Variants in METTL16 observed in about 807,000 individuals in gnomAD.
METTL16 encodes methyltransferase 16, RNA N6-adenosine, also known as RNA N(6)-adenosine-methyltransferase METTL16.
METTL16 carries 19 observed loss-of-function variants against 57.9 expected under a neutral mutation model. The ratio of observed to expected loss-of-function variants is 0.33; its 90% CI spans 0.23 to 0.48. The LOEUF (loss-of-function observed/expected upper bound fraction) is 0.48. Ranked by LOEUF, METTL16 falls within the 20% of genes least tolerant of loss-of-function variation. METTL16 has a pLI of 0.99. For synonymous variants in METTL16, 246 were observed against 255.6 expected (o/e 0.96, Z 0.36); for missense variants, 434 against 691.5 (o/e 0.63, Z 4.18).
At chr17:2,448,189 C>T in intron 6 of METTL16, among the ~76,000 whole-genome samples, 1 of 150,220 alleles carries the variant, frequency 6.7e-6, no homozygotes, top group Non-Finnish European at 1.5e-5. Context: ...CCCGGCCGCC[C>T]CTACTGGGAA....
intron 6 of METTL16, among the ~76,000 whole-genome samples, chr17:2,446,949 C>T (rs1459582116): frequency 7.7e-4 from 116 of 151,594 alleles, no homozygotes; most frequent in African/African-American, 2.7e-3. Flanking sequence ...ACCTCCCAGC[C>T]GCCTGCCTTG....
At position 2,419,838 on chromosome 17, in the gene METTL16, C is replaced by A; in HGVS notation, c.*132G>T. The A allele has an allele frequency of 8.9e-7, 1 of 1,124,174 alleles. No individual in the cohort carries two copies. Among genetic ancestry groups the A allele is most frequent in the Non-Finnish European group, 1.3e-6 (1 of 766,422 alleles). The allele number at this position is 1,124,174 out of a possible 1,614,324, so 69.6% of individuals were successfully genotyped here. A position where few individuals can be genotyped will look rare whatever the true frequency, so the allele number is the denominator to read the frequency against. ...GGCGGGGGGAGGTGGGGGACAGATT[C>A]ATAGGTTTTTGTTTTCGAAGATAAT... On this transcript the variant is annotated 3_prime_UTR_variant, in exon 10 of 10. Coordinates refer to ENST00000263092, the MANE Select transcript of METTL16 (RefSeq NM_024086.4).
At chr17:2,435,904 G>A (rs142320882) in intron 8 of METTL16, among the ~76,000 whole-genome samples, 1,613 of 152,128 alleles carry the variant, frequency 0.011, 11 homozygotes, top group Middle Eastern at 0.044. Context: ...AAGCTTAGGG[G>A]GTTCCTTTGC....
chr17:2,499,616 G>A (rs1448248137), intron 2 of METTL16, among the ~76,000 whole-genome samples: 1 of 152,044 alleles, frequency 6.6e-6, no homozygotes, highest in Non-Finnish European at 1.5e-5. Flanking sequence ...AGGTGCCAAA[G>A]GTGATTATGG....
At chr17:2,473,101 T>C (rs563150768) in intron 4 of METTL16, among the ~76,000 whole-genome samples, 1 of 152,268 alleles carries the variant, frequency 6.6e-6, no homozygotes, top group East Asian at 1.9e-4. Flanking sequence ...GGGGCAGGGA[T>C]ATACAGGGAA....
chr17:2,422,673 G>A (rs12946351), intron 8 of METTL16, among the ~76,000 whole-genome samples: 152,222 of 152,222 alleles, frequency 1, 76,111 homozygotes, highest in Non-Finnish European at 1. Context: ...TCCAGCCTGA[G>A]AATTTCTTTC....
chr17:2,429,142 G>A (rs1293186468), intron 8 of METTL16, among the ~76,000 whole-genome samples: 5 of 150,394 alleles, frequency 3.3e-5, no homozygotes, highest in Admixed American at 1.3e-4. Flanking sequence ...ACAGGCATGA[G>A]CCACCGTGCC....
chr17:2,473,600 T>C lies in METTL16; in HGVS notation c.393A>G (p.Ala131=). 2 of 1,614,170 alleles carry C rather than the reference T, an allele frequency of 1.2e-6. No individual in the cohort carries two copies. Among genetic ancestry groups the C allele is most frequent in the Non-Finnish European group, 1.7e-6 (2 of 1,180,014 alleles). Residue 131 remains alanine (A), a synonymous_variant, in exon 4 of 10, where the codon GCA becomes GCG. Coordinates refer to ENST00000263092, the MANE Select transcript of METTL16 (RefSeq NM_024086.4). Reference sequence around the variant, plus strand: ...TGAAACACATATCATCCACTTCTGTTGCGAGGAAATACCAGCCATTCAAGG... The same window carrying C: ...TGAAACACATATCATCCACTTCTGTCGCGAGGAAATACCAGCCATTCAAGG... The part of the protein sequence containing the change: ...GATLNGWYFL[A]TEVDDMCFNY...
chr17:2,445,200 C>G (rs58149999), intron 6 of METTL16, among the ~76,000 whole-genome samples: 17,945 of 152,046 alleles, frequency 0.12, 3,412 homozygotes, highest in African/African-American at 0.4. Flanking sequence ...GATATGTTTA[C>G]ATACACAAAA....
At chr17:2,472,167 T>C (rs919938955) in intron 4 of METTL16, among the ~76,000 whole-genome samples, 7 of 148,734 alleles carry the variant, frequency 4.7e-5, no homozygotes, top group South Asian at 4.2e-4. Context: ...AAAAAAGATA[T>C]ACAGATGGTA....
chr17:2,510,614 GT>G (rs1567910708), intron 1 of METTL16, among the ~76,000 whole-genome samples: 2 of 152,198 alleles, frequency 1.3e-5, no homozygotes, highest in African/African-American at 2.4e-5. Context: ...TAGGCAATGA[GT>G]TCTTAGCTAA....
At chr17:2,502,390 G>T in intron 1 of METTL16, 59 bp from the exon 2 acceptor site, 1 of 1,553,036 alleles carries the variant, frequency 6.4e-7, no homozygotes, top group South Asian at 1.1e-5. Flanking sequence ...ATTAATGGGG[G>T]CCGGGTGCGG....
chr17:2,456,490 A>C (rs1219808676), intron 6 of METTL16, among the ~76,000 whole-genome samples: 2 of 152,154 alleles, frequency 1.3e-5, no homozygotes, highest in Non-Finnish European at 2.9e-5. Context: ...TGACTGATTG[A>C]CTGAGACAGG....
chr17:2,492,454 C>A lies in METTL16; in HGVS notation c.128+9750G>T, dbSNP rs141209527. Among the ~76,000 whole-genome samples, 5 of 152,206 alleles carry A rather than the reference C, an allele frequency of 3.3e-5. No individual in the cohort carries two copies. In the East Asian group the frequency reaches 9.7e-4, roughly 29 times the overall value. On this transcript the variant is annotated intron_variant, in intron 2 of 9. Coordinates refer to ENST00000263092, the MANE Select transcript of METTL16 (RefSeq NM_024086.4). ...ACCTTACTTATACCAGGCTTAACAA[C>A]AATATGAGCACCTACCATGAACTCA... is the stretch of plus-strand genomic sequence containing the variant.
intron 7 of METTL16, among the ~76,000 whole-genome samples, chr17:2,440,186 G>A (rs1189742825): frequency 6.6e-6 from 1 of 152,120 alleles, no homozygotes; most frequent in Non-Finnish European, 1.5e-5. Flanking sequence ...AAGCCTAGAT[G>A]TTTGAGGTTG....
chr17:2,454,563 A>ATTT (rs5818860), intron 6 of METTL16, among the ~76,000 whole-genome samples: 207 of 126,162 alleles, frequency 1.6e-3, no homozygotes, highest in East Asian at 2.6e-3. Flanking sequence ...TATTATTATT[A>ATTT]TTTTTTTTTT....
chr17:2,430,203 ACTGGGGTCAAGCGATCTTCTCATCTCAGC>A (rs1170852609), intron 8 of METTL16, among the ~76,000 whole-genome samples: 9 of 150,920 alleles, frequency 6.0e-5, no homozygotes, highest in African/African-American at 2.2e-4. Flanking sequence ...GACTCAAACT[ACTGGGGTCAAGCGATCTTCTCATCTCAGC>A]CTCCCAAGTA....
intron 6 of METTL16, among the ~76,000 whole-genome samples, chr17:2,444,689 G>A (rs1401395749): frequency 4.0e-5 from 6 of 150,908 alleles, no homozygotes; most frequent in Non-Finnish European, 7.4e-5. Flanking sequence ...TCCACTCATG[G>A]TAAGTGCCCT....
In METTL16 at chr17:2,440,970, CAAAAAAAAAAA is replaced by C. The variant is rs760521188; in HGVS notation, c.798+509_798+519del. Among the ~76,000 whole-genome samples the C allele has an allele frequency of 1.5e-4, 5 of 34,056 alleles. No homozygotes were observed. The East Asian group carries it at 5.6e-3, about 38-fold the overall frequency. 22.3% of individuals were successfully genotyped at this position (34,056 alleles called of 152,430 possible). A position where few individuals can be genotyped will look rare whatever the true frequency, so the allele number is the denominator to read the frequency against. ...CTGGGAACAGAGCTAGACTTGATCT[CAAAAAAAAAAA>C]AAAAAAAAAAAAAAAGAAGAAGAAG... On this transcript the variant is annotated intron_variant, in intron 7 of 9. Transcript: ENST00000263092.
Sources: gnomAD v4.1 joint callset for allele counts (sites outside exome capture counted in the v4.1 genomes callset) on GRCh38, gnomAD v4.1.1 for gene constraint, MANE v1.5 for transcripts, NCBI Gene and HGNC (gene_info 2026-07-23, HGNC 2026-07-21) for gene names.